Variants in SYMPK observed in about 807,000 individuals in gnomAD.
The protein encoded by SYMPK is symplekin scaffold protein, also known as symplekin.
In SYMPK, 49 loss-of-function variants were observed where a neutral mutation model predicts 136.4. That is an observed-to-expected ratio of 0.36 (90% CI 0.29 to 0.46). SYMPK has a LOEUF of 0.46. SYMPK is among the 20% of genes least tolerant of loss of function. The pLI is 1.00. For synonymous variants in SYMPK, 766 were observed against 713.0 expected, an observed-to-expected ratio of 1.07 and a Z score of -1.19; for missense variants, 1,365 against 1,690.0, an observed-to-expected ratio of 0.81 and a Z score of 3.37.
intron 11 of SYMPK, among the ~76,000 whole-genome samples, chr19:45,832,331 G>A (rs982379247): frequency 1.1e-4 from 16 of 151,864 alleles, no homozygotes; most frequent in South Asian, 4.2e-4. Context: ...CAGTAGAGAC[G>A]GGGTTTCACC....
rs1380914058 is a variant in SYMPK at position 45,844,055 on chromosome 19, C to A, written c.822G>T (p.Val274=). 1.3e-6 allele frequency: 2 copies of A among 1,576,790 alleles called. No homozygotes were observed. The highest frequency in any genetic ancestry group is 1.2e-5 in the South Asian group (1 of 86,618). The part of the protein sequence containing the change: ...ARQRPMFMSE[V]IQAYETLHAN... ...CATGCAGAGTTTCATAGGCCTGGAT[C>A]ACCTCAGACATGAACATGGGTCTCT... Residue 274 remains valine (V), a synonymous_variant, in exon 8 of 27, where the codon GTG becomes GTT. Coordinates refer to ENST00000245934, the MANE Select transcript of SYMPK (RefSeq NM_004819.3).
chr19:45,842,375 A>G lies in SYMPK; in HGVS notation c.962T>C (p.Ile321Thr), dbSNP rs775357590. 2 of 1,614,120 alleles carry G rather than the reference A, an allele frequency of 1.2e-6. No homozygotes were observed. Among genetic ancestry groups the G allele is most frequent in the Non-Finnish European group, 1.7e-6 (2 of 1,180,022 alleles). Residue 321 changes from isoleucine to threonine, a missense_variant, in exon 9 of 27, where the codon ATC (isoleucine) becomes ACC (threonine). Transcript: ENST00000245934. ...GCCCAGGTCCACCAGCAGGGTGGTG[A>G]TCTGGGCCTGGAACTCCAAGGAAGC... Reference protein sequence around the residue: ...HPASLEFQAQITTLLVDLGTP... With the variant: ...HPASLEFQAQTTTLLVDLGTP...
At chr19:45,824,129 C>G (rs1970978600) in intron 18 of SYMPK, 4 of 494,476 alleles carry the variant, frequency 8.1e-6, no homozygotes, top group East Asian at 3.8e-5. Flanking sequence ...GGCCACTCCT[C>G]TGTGGCTCAG....
At position 45,830,046 on chromosome 19, in the gene SYMPK, G is replaced by GC; in HGVS notation, c.1749+7dup. 6.5e-7 allele frequency: 1 copy of GC among 1,539,874 alleles called. No homozygotes were observed. The highest frequency in any genetic ancestry group is 8.8e-7 in the Non-Finnish European group (1 of 1,137,460). The stretch of plus-strand genomic sequence containing the variant: ...GGAAGGATGGGGTGGGGGGTGGCAG[G>GC]CGCACACCTGGGCTGCCCCGCTGCA... On this transcript the variant is annotated splice_region_variant and intron_variant, in intron 13 of 26. Transcript: ENST00000245934.
At chr19:45,834,445 C>T (rs1179670984) in intron 11 of SYMPK, among the ~76,000 whole-genome samples, 2 of 147,266 alleles carry the variant, frequency 1.4e-5, no homozygotes, top group African/African-American at 2.5e-5. Context: ...GGCAACAGAG[C>T]GAGACTTTGT....
intron 20 of SYMPK, 128 bp from the exon 21 acceptor site, chr19:45,822,974 C>T: frequency 4.1e-6 from 3 of 733,882 alleles, no homozygotes; most frequent in Non-Finnish European, 7.1e-6. Flanking sequence ...GCCCCTCCTA[C>T]CCTCACCACA....
At position 45,852,300 on chromosome 19, in the gene SYMPK, C is replaced by G. The variant is rs780374703; in HGVS notation, c.299+12G>C. On this transcript the variant is annotated intron_variant, in intron 5 of 26. Coordinates refer to ENST00000245934, the MANE Select transcript of SYMPK (RefSeq NM_004819.3). Reference sequence around the variant, plus strand: ...TGAGAATGCTCCCGGGGCTCCGTGCCTCGCCCCATACCATGCCTCCTCGAT... The same window carrying G: ...TGAGAATGCTCCCGGGGCTCCGTGCGTCGCCCCATACCATGCCTCCTCGAT... The G allele has an allele frequency of 6.2e-7, 1 of 1,614,184 alleles. No homozygotes were observed. Among genetic ancestry groups the G allele is most frequent in the South Asian group, 1.1e-5 (1 of 91,084 alleles).
intron 11 of SYMPK, among the ~76,000 whole-genome samples, chr19:45,834,410 G>A (rs1232356194): frequency 6.6e-6 from 1 of 150,644 alleles, no homozygotes; most frequent in Non-Finnish European, 1.5e-5. Context: ...AGTAAGCCGA[G>A]ATTGCACCAC....
chr19:45,838,726 GCAAA>G (rs1213149599), intron 9 of SYMPK, 111 bp from the exon 10 acceptor site: 1 of 1,211,336 alleles, frequency 8.3e-7, no homozygotes, highest in African/African-American at 1.5e-5. Flanking sequence ...GCAAACAGGA[GCAAA>G]CAGCGGATGA....
In SYMPK at chr19:45,815,944, G is replaced by A. The variant is rs1312065994; in HGVS notation, c.3594C>T (p.Cys1198=). The A allele has an allele frequency of 6.2e-7, 1 of 1,611,306 alleles. No homozygotes were observed. Among genetic ancestry groups the A allele is most frequent in the Non-Finnish European group, 8.5e-7 (1 of 1,179,514 alleles). Reference sequence around the variant, plus strand: ...TGCTGATGAAGATGCCCGGGGTCTCGCACTCAGGCCCCTCCTCCCGGAAAT... The same window carrying A: ...TGCTGATGAAGATGCCCGGGGTCTCACACTCAGGCCCCTCCTCCCGGAAAT... ...AMDFREEGPE[C]ETPGIFISMD... Residue 1198 remains cysteine (C), a synonymous_variant, in exon 26 of 27, where the codon TGC becomes TGT. Transcript: ENST00000245934.
At position 45,816,891 on chromosome 19, in the gene SYMPK, C is replaced by A; in HGVS notation, c.3165G>T (p.Gln1055His). 1 of 1,552,796 alleles carries A rather than the reference C, an allele frequency of 6.4e-7. No homozygotes were observed. Residue 1055 changes from glutamine (Q) to histidine (H), a missense_variant, in exon 24 of 27, where the codon CAG becomes CAT. Transcript: ENST00000245934. ...TKPQSFQVIL[Q>H]LPPQQLGAVF... The stretch of plus-strand genomic sequence containing the variant: ...CGGCTCCCAGCTGCTGGGGCGGCAG[C>A]TGCAGGATGACCTGGAAGCTCTGGG...
chr19:45,818,183 C>G, intron 22 of SYMPK, 37 bp from the exon 23 acceptor site: 1 of 1,493,734 alleles, frequency 6.7e-7, no homozygotes, highest in Non-Finnish European at 9.0e-7. Context: ...TCCTCTCTGC[C>G]CAGCTGCCCC....
intron 8 of SYMPK, 74 bp downstream of exon 8, chr19:45,843,942 CAAAAAAAAAAAAAA>C (rs57025339): frequency 2.9e-5 from 7 of 245,004 alleles, no homozygotes; most frequent in East Asian, 4.4e-4. Flanking sequence ...GACTCTGTCT[CAAAAAAAAAAAAAA>C]AAAAAAAAAA....
chr19:45,837,952 T>C (rs570545108), intron 10 of SYMPK, among the ~76,000 whole-genome samples: 1 of 152,158 alleles, frequency 6.6e-6, no homozygotes, highest in African/African-American at 2.4e-5. Flanking sequence ...AGGAGGATGA[T>C]CAGAAGCGGG....
chr19:45,824,090 C>A, intron 18 of SYMPK: 2 of 509,558 alleles, frequency 3.9e-6, no homozygotes, highest in Non-Finnish European at 7.1e-6. Flanking sequence ...TGCTCCAGCT[C>A]CCAGCCCTGG....
intron 5 of SYMPK, among the ~76,000 whole-genome samples, chr19:45,850,223 C>A (rs1029735818): frequency 6.6e-6 from 1 of 151,892 alleles, no homozygotes; most frequent in East Asian, 1.9e-4. Context: ...CCAGTCTGGC[C>A]GACAGAGTGA....
At chr19:45,827,052 C>T (rs1234570855) in intron 16 of SYMPK, among the ~76,000 whole-genome samples, 1 of 152,144 alleles carries the variant, frequency 6.6e-6, no homozygotes, top group Non-Finnish European at 1.5e-5. Context: ...ACCAGATGGT[C>T]GGCCCCTCCC....
At chr19:45,856,470 G>C (rs1429171510) in intron 1 of SYMPK, among the ~76,000 whole-genome samples, 1 of 152,140 alleles carries the variant, frequency 6.6e-6, no homozygotes, top group African/African-American at 2.4e-5. Context: ...AGAATGACCT[G>C]AGGCAAGACA....
rs1371759509 is a variant in SYMPK at position 45,842,444 on chromosome 19, C to T, written c.893G>A (p.Arg298His). 1 of 1,614,116 alleles carries T rather than the reference C, an allele frequency of 6.2e-7. No homozygotes were observed. The highest frequency in any genetic ancestry group is 8.5e-7 in the Non-Finnish European group (1 of 1,180,032). Residue 298 changes from arginine to histidine, a missense_variant, in exon 9 of 27, where the codon CGT becomes CAT. This residue lies in a region of SYMPK where 1 missense variants were observed against 16.3 expected (regional missense o/e 0.06). Coordinates refer to ENST00000245934, the MANE Select transcript of SYMPK (RefSeq NM_004819.3). ...CAACAGGTGCAGCTTCAGATTCTTA[C>T]GCACACTGCTCACCTGCGATTTGGC... ...TLAKSQVSSV[R>H]KNLKLHLLSV...
Sources: gnomAD v4.1 joint callset for allele counts (sites outside exome capture counted in the v4.1 genomes callset) on GRCh38, gnomAD v4.1.1 for gene constraint, gnomAD v4.1.1 regional missense constraint, MANE v1.5 for transcripts, NCBI Gene and HGNC (gene_info 2026-07-23, HGNC 2026-07-21) for gene names.